The following KRI1 variants were observed in gnomAD, a reference collection of about 807,000 sequenced individuals.
The protein encoded by KRI1 is protein KRI1 homolog.
A neutral mutation model predicts 97.0 loss-of-function variants in KRI1; 83 were observed. The ratio of observed to expected loss-of-function variants is 0.86; its 90% CI spans 0.72 to 1.03. KRI1 has a LOEUF of 1.03. Among genes scored for constraint, KRI1 ranks in the 50% least tolerant of loss-of-function variants. The probability of loss-of-function intolerance (pLI) is 0.00; values close to 1 mark genes in which losing one functional copy is unlikely to be tolerated. For synonymous variants in KRI1, 371 were observed against 363.5 expected (o/e 1.02, Z -0.23); for missense variants, 916 against 928.4 (o/e 0.99, Z 0.17).
At chr19:10,554,848 T>G (rs763924676) in intron 18 of KRI1, among the ~76,000 whole-genome samples, 32 of 146,560 alleles carry the variant, frequency 2.2e-4, no homozygotes, top group Admixed American at 6.1e-4. Context: ...CATTTCATCC[T>G]CTGCAACTTG....
In KRI1 at chr19:10,557,589, G is replaced by A; in HGVS notation, c.1580C>T (p.Thr527Ile). Reference protein sequence around the residue: ...DDLPCRFKYRTVVPCDFGLST... With the variant: ...DDLPCRFKYRIVVPCDFGLST... ...GAGGCCAAAGTCACAGGGCACCACT[G>A]TGCGGTACTTGAAGCGACAGGGCAG... is the stretch of plus-strand genomic sequence containing the variant. Residue 527 changes from threonine (T) to isoleucine (I), a missense_variant, in exon 16 of 19, where the codon ACA becomes ATA. Thr to Ile is a moderately conservative substitution (Grantham distance 89, BLOSUM62 -1). Coordinates refer to ENST00000312962, the MANE Select transcript of KRI1 (RefSeq NM_023008.5). The A allele has an allele frequency of 1.2e-6, 2 of 1,614,184 alleles. No individual in the cohort carries two copies. The highest frequency in any genetic ancestry group is 1.7e-6 in the Non-Finnish European group (2 of 1,180,014).
chr19:10,564,964 A>G lies in KRI1; in HGVS notation c.239T>C (p.Ile80Thr). ...LSLLKKKDPR[I>T]YQKDATFYNR... is the part of the protein sequence containing the mutation. ...ATAGAAGGTGGCATCTTTCTGATAA[A>G]TGCGGGGGTCCTTCTTCTTCAACAA... Residue 80 changes from isoleucine to threonine, a missense_variant, in exon 3 of 19, where the codon ATT becomes ACT. Ile to Thr is a moderately conservative substitution (Grantham distance 89). Around this residue, in one of 3 missense-constraint regions of KRI1, gnomAD observed 173 missense variants for 153.1 expected, o/e 1.13. Transcript: ENST00000312962. 6.2e-7 allele frequency: 1 copy of G among 1,613,876 alleles called. No homozygotes were observed. The highest frequency in any genetic ancestry group is 8.5e-7 in the Non-Finnish European group (1 of 1,179,816).
At position 10,557,789 on chromosome 19, in the gene KRI1, T is replaced by A. The variant is rs765733290; in HGVS notation, c.1466A>T (p.Glu489Val). The change falls in exon 15 of 19, where the codon GAG becomes GTG. Residue 489 changes from glutamate (E) to valine (V), a missense_variant. Physicochemically the swap from Glu to Val is moderately radical, Grantham distance 121. This residue lies in a region of KRI1 where 672 missense variants were observed against 667.2 expected (regional missense o/e 1.01). Coordinates refer to ENST00000312962, the MANE Select transcript of KRI1 (RefSeq NM_023008.5). The part of the protein sequence containing the change: ...KSPFAAAVGQ[E>V]KPVFEPGDKT... ...CTCACCGGGTTCAAACACGGGCTTC[T>A]CCTGCCCCACGGCCGCGGCGAAGGG... The A allele has an allele frequency of 3.1e-6, 5 of 1,613,128 alleles. No individual in the cohort carries two copies. In the East Asian group the frequency reaches 8.9e-5, roughly 29 times the overall value.
chr19:10,559,471 A>C lies in KRI1; in HGVS notation c.1082T>G (p.Ile361Ser), dbSNP rs115325998. The change falls in exon 12 of 19, where the codon ATT becomes AGT. Residue 361 changes from isoleucine to serine, a missense_variant. Ile to Ser is a moderately radical substitution (Grantham distance 142, BLOSUM62 -2). Around this residue, in one of 3 missense-constraint regions of KRI1, gnomAD observed 672 missense variants for 667.2 expected, o/e 1.01. Transcript: ENST00000312962. ...KQLKNLKRKE[I>S]LAKLEKLRKV... ...CCGCAGCTTCTCCAGCTTGGCCAGAATCTCCTTCCTCTTCAGGTTCTTCAG... is the reference window on the plus strand; with the variant it reads ...CCGCAGCTTCTCCAGCTTGGCCAGACTCTCCTTCCTCTTCAGGTTCTTCAG... The C allele has an allele frequency of 9.2e-5, 148 of 1,613,678 alleles. No homozygotes were observed. In the African/African-American group the frequency reaches 1.9e-3, roughly 20 times the overall value.
chr19:10,561,638 T>C (rs367906395), intron 6 of KRI1, 29 bp downstream of exon 6: 83 of 1,610,430 alleles, frequency 5.2e-5, no homozygotes, highest in Non-Finnish European at 1.7e-5. Flanking sequence ...CTTTCCTCCA[T>C]TGGGCCATTC....
At chr19:10,565,100 G>A (rs1294942224) in intron 2 of KRI1, 66 bp from the exon 3 acceptor site, 5 of 1,059,704 alleles carry the variant, frequency 4.7e-6, no homozygotes. Context: ...GGCGCCAGCA[G>A]GTGAGCTCAG....
intron 2 of KRI1, 117 bp downstream of exon 2, chr19:10,565,600 G>A (rs1916840881): frequency 7.7e-7 from 1 of 1,302,448 alleles, no homozygotes; most frequent in African/African-American, 1.5e-5. Flanking sequence ...AGCGGAGGAT[G>A]GGACGCTCCC....
In KRI1 at chr19:10,553,861, C is replaced by A. The variant is rs932116931; in HGVS notation, c.*90G>T. 10 of 1,102,576 alleles carry A rather than the reference C, an allele frequency of 9.1e-6. No individual in the cohort carries two copies. The highest frequency in any genetic ancestry group is 5.4e-4 in the Middle Eastern group (2 of 3,720). The allele number at this position is 1,102,576 out of a possible 1,614,324, so 68.3% of individuals were successfully genotyped here. ...CGTGCCTGGCCACAGATGAGAGGAT[C>A]TCTGCAGCAGATAGTACTTGTGGGT... is the stretch of plus-strand genomic sequence containing the variant. On this transcript the variant is annotated 3_prime_UTR_variant, in exon 19 of 19. Transcript: ENST00000312962.
rs749007031 is a variant in KRI1 at position 10,558,212 on chromosome 19, C to T, written c.1222G>A (p.Ala408Thr). Reference sequence around the variant, plus strand: ...AATTGTGGCTTCTCCTCCTCCACGGCCCCGTAGTACTCGTCCCCAAAGCAC... The same window carrying T: ...AATTGTGGCTTCTCCTCCTCCACGGTCCCGTAGTACTCGTCCCCAAAGCAC... ...QKCFGDEYYG[A>T]VEEEKPQFEE... The change falls in exon 13 of 19, where the codon GCC (alanine) becomes ACC (threonine). Residue 408 changes from alanine to threonine, a missense_variant. Ala to Thr is a moderately conservative substitution (Grantham distance 58). This residue lies in a region of KRI1 where 672 missense variants were observed against 667.2 expected (regional missense o/e 1.01). Coordinates refer to ENST00000312962, the MANE Select transcript of KRI1 (RefSeq NM_023008.5). 2 of 1,614,138 alleles carry T rather than the reference C, an allele frequency of 1.2e-6. No individual in the cohort carries two copies. Among genetic ancestry groups the T allele is most frequent in the Admixed American group, 1.7e-5 (1 of 59,998 alleles).
rs889267849 is a variant in KRI1, at chr19:10,565,317, AAG to A, written c.169-285_169-284del. The A allele has an allele frequency of 1.6e-5, 9 of 546,122 alleles. No individual in the cohort carries two copies. In the African/African-American group the frequency reaches 1.7e-4, roughly 10 times the overall value. The allele number at this position is 546,122 out of a possible 1,614,324, so 33.8% of individuals were successfully genotyped here. A position where few individuals can be genotyped will look rare whatever the true frequency, so the allele number is the denominator to read the frequency against. ...CAAGGGGCAGGTGGGCTGAGGGCACAAGAGAGACAGCGGGGAGGGGCTGGGCC... is the reference window on the plus strand; with the variant it reads ...CAAGGGGCAGGTGGGCTGAGGGCACAAGAGACAGCGGGGAGGGGCTGGGCC... On this transcript the variant is annotated intron_variant, in intron 2 of 18. Coordinates refer to ENST00000312962, the MANE Select transcript of KRI1 (RefSeq NM_023008.5).
At position 10,559,685 on chromosome 19, in the gene KRI1, G is replaced by A. The variant is rs1916630418; in HGVS notation, c.951C>T (p.Ile317=). The A allele has an allele frequency of 3.7e-6, 6 of 1,614,008 alleles. No homozygotes were observed. Among genetic ancestry groups the A allele is most frequent in the Non-Finnish European group, 5.1e-6 (6 of 1,180,022 alleles). Residue 317 remains isoleucine, a synonymous_variant, in exon 11 of 19, where the codon ATC becomes ATT. Transcript: ENST00000312962. Reference sequence around the variant, plus strand: ...CATCCTTACGGCGCACGGAGGACGCGATGCTGCGTGGGTAGGTCTTGACCT... The same window carrying A: ...CATCCTTACGGCGCACGGAGGACGCAATGCTGCGTGGGTAGGTCTTGACCT... ...SASVKTYPRS[I]ASSVRRKDER...
intron 16 of KRI1, among the ~76,000 whole-genome samples, chr19:10,555,933 A>G (rs192108319): frequency 6.6e-6 from 1 of 152,260 alleles, no homozygotes; most frequent in East Asian, 1.9e-4. Context: ...CATAGTCACC[A>G]AAGTTGGGGT....
intron 3 of KRI1, among the ~76,000 whole-genome samples, chr19:10,563,819 T>C (rs1406586186): frequency 1.3e-5 from 2 of 152,118 alleles, no homozygotes; most frequent in African/African-American, 2.4e-5. Context: ...CACACCAGCA[T>C]GCTCAGCTGA....
At position 10,562,817 on chromosome 19, in the gene KRI1, CCTCA is replaced by C. The variant is rs757047084; in HGVS notation, c.291_294del (p.Ser97ArgfsTer18). 4.3e-6 allele frequency: 7 copies of C among 1,611,326 alleles called. No homozygotes were observed. Among genetic ancestry groups the C allele is most frequent in the Non-Finnish European group, 5.9e-6 (7 of 1,177,474 alleles). The stretch of plus-strand genomic sequence containing the variant: ...TGCTTCTCCAAGGCTTCTGGGTCCT[CCTCA>C]CTGTCTGATGACGATGCTGTTAACC... On this transcript the variant is annotated frameshift_variant, in exon 4 of 19. Transcript: ENST00000312962. LOFTEE classifies it high-confidence loss of function.
At chr19:10,565,510 C>A (rs370168619) in intron 2 of KRI1, 2 of 594,890 alleles carry the variant, frequency 3.4e-6, no homozygotes, top group Admixed American at 3.8e-5. Flanking sequence ...AGGTGGGGAT[C>A]GTGGCAGGGG....
intron 18 of KRI1, among the ~76,000 whole-genome samples, chr19:10,554,646 AGCGATCTTCTC>A (rs1301106705): frequency 6.6e-6 from 1 of 152,076 alleles, no homozygotes; most frequent in Non-Finnish European, 1.5e-5. Flanking sequence ...CCTGGGCTCA[AGCGATCTTCTC>A]GCTTGAGTCT....
In KRI1 at chr19:10,561,084, G is replaced by A. The variant is rs1263420867; in HGVS notation, c.586-4C>T. 6.2e-7 allele frequency: 1 copy of A among 1,614,026 alleles called. No homozygotes were observed. Among genetic ancestry groups the A allele is most frequent in the South Asian group, 1.1e-5 (1 of 91,070 alleles). On this transcript the variant is annotated splice_polypyrimidine_tract_variant and splice_region_variant and intron_variant, in intron 7 of 18. Coordinates refer to ENST00000312962, the MANE Select transcript of KRI1 (RefSeq NM_023008.5). ...TGTAGTCGGCCTCCTCCTGGGCCTG[G>A]GGGAAAGCTAGCACTGAGCATCCGC...
intron 3 of KRI1, 77 bp from the exon 4 acceptor site, chr19:10,562,914 G>T: frequency 2.2e-6 from 2 of 890,992 alleles, no homozygotes; most frequent in Non-Finnish European, 3.8e-6. Context: ...ACAGGGCAGG[G>T]CCAGGGTTAG....
chr19:10,560,990 C>T lies in KRI1; in HGVS notation c.663+13G>A, dbSNP rs139018708. 2.7e-5 allele frequency: 43 copies of T among 1,605,006 alleles called. No homozygotes were observed. The highest frequency in any genetic ancestry group is 5.3e-5 in the African/African-American group (4 of 74,910). ...GCGGTCTACTCCATCAGCGACCATG[C>T]GTGAGAACTCACCAGTTCCTTCAGG... On this transcript the variant is annotated intron_variant, in intron 8 of 18. Coordinates refer to ENST00000312962, the MANE Select transcript of KRI1 (RefSeq NM_023008.5).
Sources: gnomAD v4.1 joint callset for allele counts (sites outside exome capture counted in the v4.1 genomes callset) on GRCh38, gnomAD v4.1.1 for gene constraint, gnomAD v4.1.1 regional missense constraint, MANE v1.5 for transcripts, NCBI Gene and HGNC (gene_info 2026-07-23, HGNC 2026-07-21) for gene names.